The following NPAS3 variants were observed in gnomAD, a reference collection of about 807,000 sequenced individuals.
NPAS3 encodes the protein neuronal PAS domain protein 3.
NPAS3 carries 14 observed loss-of-function variants against 73.1 expected under a neutral mutation model. That is an observed-to-expected ratio of 0.19 (90% CI 0.13 to 0.30). NPAS3 has a LOEUF of 0.30. Ranked by LOEUF, NPAS3 falls within the 10% of genes least tolerant of loss-of-function variation. NPAS3 has a pLI of 1.00. For missense variants in NPAS3, 1,096 were observed against 1,250.0 expected (o/e 0.88, Z 1.86); for synonymous variants, 620 against 541.5 (o/e 1.14, Z -2.01).
chr14:33,344,060 G>C (rs2044617607), intron 3 of NPAS3, among the ~76,000 whole-genome samples: 1 of 152,164 alleles, frequency 6.6e-6, no homozygotes, highest in African/African-American at 2.4e-5. Context: ...CCCATACTTA[G>C]AGTGATACAA....
intron 5 of NPAS3, among the ~76,000 whole-genome samples, chr14:33,561,905 A>G (rs1193961320): frequency 6.6e-6 from 1 of 152,224 alleles, no homozygotes; most frequent in Non-Finnish European, 1.5e-5. Flanking sequence ...TGTCAAGGCA[A>G]CTGCATTTTC....
At chr14:32,940,365 C>T (rs890197298) in intron 1 of NPAS3, among the ~76,000 whole-genome samples, 3 of 152,224 alleles carry the variant, frequency 2.0e-5, no homozygotes, top group African/African-American at 7.2e-5. Flanking sequence ...ACCCCCTCCC[C>T]ATCACCACCA....
upstream of NPAS3, among the ~76,000 whole-genome samples, chr14:32,938,483 AATTGAG>A (rs2035782781): frequency 5.1e-5 from 1 of 19,476 alleles, no homozygotes. Flanking sequence ...GAGAGAGAGA[AATTGAG>A]AGAGAGAGAG....
chr14:33,168,192 C>T (rs900484307), intron 2 of NPAS3, among the ~76,000 whole-genome samples: 1 of 152,164 alleles, frequency 6.6e-6, no homozygotes, highest in East Asian at 1.9e-4. Context: ...GCACATTTGC[C>T]TCTAAAATAT....
At chr14:33,037,684 T>A (rs1353988037) in intron 1 of NPAS3, among the ~76,000 whole-genome samples, 1 of 151,876 alleles carries the variant, frequency 6.6e-6, no homozygotes, top group Non-Finnish European at 1.5e-5. Flanking sequence ...AGAAAAAAGA[T>A]TCTCAAATAA....
chr14:33,087,030 A>C (rs2042047164), intron 2 of NPAS3, among the ~76,000 whole-genome samples: 1 of 151,586 alleles, frequency 6.6e-6, no homozygotes, highest in Non-Finnish European at 1.5e-5. Context: ...AATTTCAACA[A>C]GTGTGGCAAA....
At chr14:33,044,799 T>A (rs534903922) in intron 1 of NPAS3, among the ~76,000 whole-genome samples, 2 of 152,098 alleles carry the variant, frequency 1.3e-5, no homozygotes, top group Non-Finnish European at 2.9e-5. Context: ...AGGAGTTGGA[T>A]ATGTGTGTAT....
intron 3 of NPAS3, among the ~76,000 whole-genome samples, chr14:33,299,616 T>A (rs149634579): frequency 6.0e-4 from 92 of 152,222 alleles, no homozygotes; most frequent in African/African-American, 2.1e-3. Flanking sequence ...TGTGCTTAAG[T>A]CTGAGCTCAG....
intron 4 of NPAS3, among the ~76,000 whole-genome samples, chr14:33,392,973 G>A (rs1014329870): frequency 1.3e-5 from 2 of 152,070 alleles, no homozygotes; most frequent in African/African-American, 2.4e-5. Flanking sequence ...GCTGGGGTGA[G>A]CTCTTCCCAT....
At chr14:32,966,469 A>G (rs1450723536) in intron 1 of NPAS3, among the ~76,000 whole-genome samples, 1 of 152,220 alleles carries the variant, frequency 6.6e-6, no homozygotes, top group Non-Finnish European at 1.5e-5. Context: ...CTCTTCAGGA[A>G]ATGGTACTAG....
intron 5 of NPAS3, among the ~76,000 whole-genome samples, chr14:33,588,315 C>T (rs1441924900): frequency 6.6e-6 from 1 of 152,128 alleles, no homozygotes; most frequent in African/African-American, 2.4e-5. Flanking sequence ...CCTCTGTAAT[C>T]CTCCCAGATG....
chr14:33,377,289 C>A (rs1033805858), intron 4 of NPAS3, among the ~76,000 whole-genome samples: 1 of 152,200 alleles, frequency 6.6e-6, no homozygotes, highest in Admixed American at 6.5e-5. Flanking sequence ...GAATCAAAGT[C>A]TCCTTTGGAC....
chr14:33,745,998 C>T (rs1296074907), intron 7 of NPAS3, among the ~76,000 whole-genome samples: 2 of 151,954 alleles, frequency 1.3e-5, no homozygotes, highest in Non-Finnish European at 2.9e-5. Flanking sequence ...AATGGAGTTT[C>T]TAAGCCTCCT....
intron 4 of NPAS3, among the ~76,000 whole-genome samples, chr14:33,525,984 G>GA (rs923665675): frequency 6.6e-6 from 1 of 152,008 alleles, no homozygotes; most frequent in African/African-American, 2.4e-5. Context: ...TAAGTTAGGG[G>GA]AAAAAATAAA....
At chr14:33,577,469 A>G (rs2056483964) in intron 5 of NPAS3, among the ~76,000 whole-genome samples, 2 of 152,108 alleles carry the variant, frequency 1.3e-5, no homozygotes, top group Admixed American at 1.3e-4. Context: ...GCACGTTCCT[A>G]TACCTCTCAT....
chr14:33,340,431 G>T (rs2044420144), intron 3 of NPAS3, among the ~76,000 whole-genome samples: 3 of 152,222 alleles, frequency 2.0e-5, no homozygotes, highest in African/African-American at 4.8e-5. Flanking sequence ...GGAGGCAGAG[G>T]TTGCAGTGAG....
At chr14:33,739,295 G>C (rs1004783144) in intron 7 of NPAS3, among the ~76,000 whole-genome samples, 3 of 152,112 alleles carry the variant, frequency 2.0e-5, no homozygotes, top group African/African-American at 7.2e-5. Flanking sequence ...GGGATGATTT[G>C]GGCATGGATT....
At chr14:33,251,109 T>C (rs773358632) in intron 3 of NPAS3, among the ~76,000 whole-genome samples, 29 of 152,256 alleles carry the variant, frequency 1.9e-4, no homozygotes, top group Non-Finnish European at 3.1e-4. Flanking sequence ...TCATTTTTCA[T>C]TGGAACAAGC....
At chr14:33,413,163 G>A (rs1164398599) in intron 4 of NPAS3, among the ~76,000 whole-genome samples, 1 of 151,756 alleles carries the variant, frequency 6.6e-6, no homozygotes, top group African/African-American at 2.4e-5. Context: ...CCTTGCTGGA[G>A]TATTTTTAGT....
Sources: gnomAD v4.1 joint callset for allele counts (sites outside exome capture counted in the v4.1 genomes callset) on GRCh38, gnomAD v4.1.1 for gene constraint, MANE v1.5 for transcripts, NCBI Gene and HGNC (gene_info 2026-07-23, HGNC 2026-07-21) for gene names.